The following NCOA2 variants were observed in gnomAD, a reference collection of about 807,000 sequenced individuals.
NCOA2 encodes nuclear receptor coactivator 2.
Under a neutral mutation model 145.1 loss-of-function variants are expected in NCOA2, and 21 were observed. The observed-to-expected ratio is 0.14, with a 90% confidence interval of 0.10 to 0.21. The LOEUF (loss-of-function observed/expected upper bound fraction) is 0.21, where lower values mean the gene tolerates loss of function less well. NCOA2 is among the 10% of genes least tolerant of loss of function. The probability of loss-of-function intolerance (pLI) is 1.00; values close to 1 mark genes in which losing one functional copy is unlikely to be tolerated. For synonymous variants in NCOA2, 619 were observed against 637.5 expected, an observed-to-expected ratio of 0.97 and a Z score of 0.44; for missense variants, 1,472 against 1,837.6, an observed-to-expected ratio of 0.80 and a Z score of 3.64.
Position 70,128,854 on chromosome 8 carries a change from T to TGGAGTAGCA in NCOA2, c.3450_3451insTGCTACTCC (p.Pro1150_Met1151insCysTyrSer). 6.2e-7 allele frequency: 1 copy of TGGAGTAGCA among 1,614,022 alleles called. No homozygotes were observed. Among genetic ancestry groups the TGGAGTAGCA allele is most frequent in the Non-Finnish European group, 8.5e-7 (1 of 1,179,894 alleles). On this transcript the variant is annotated inframe_insertion, in exon 17 of 23. Coordinates refer to ENST00000452400, the MANE Select transcript of NCOA2 (RefSeq NM_006540.4). ...ATGGTGTGAAAGTTTGGATCTTGCA[T>TGGAGTAGCA]GGGAGAATAGCTACCCTGGGCCATT...
At chr8:70,417,657 G>GT in the NCOA2 span, among the ~76,000 whole-genome samples, 2 of 152,106 alleles carry the variant, frequency 1.3e-5, no homozygotes, top group Non-Finnish European at 2.9e-5. Context: ...GCTGATCGTG[G>GT]TTTTTTACCC....
intron 15 of NCOA2, among the ~76,000 whole-genome samples, chr8:70,134,498 C>T (rs1418362267): frequency 6.6e-6 from 1 of 152,218 alleles, no homozygotes; most frequent in Non-Finnish European, 1.5e-5. Flanking sequence ...AAGCTGCATT[C>T]ATATGCAACC....
chr8:70,183,166 AAT>A (rs1419063278), intron 4 of NCOA2, among the ~76,000 whole-genome samples: 1 of 152,230 alleles, frequency 6.6e-6, no homozygotes, highest in Non-Finnish European at 1.5e-5. Flanking sequence ...AAGGAATCAT[AAT>A]TTGCTTAGAA....
At chr8:70,359,414 A>G (rs1431724330) in intron 1 of NCOA2, among the ~76,000 whole-genome samples, 4 of 152,242 alleles carry the variant, frequency 2.6e-5, no homozygotes, top group Admixed American at 6.5e-5. Flanking sequence ...GAATTGATAT[A>G]TGCTACAACA....
In NCOA2 at chr8:70,156,926, C is replaced by G; in HGVS notation, c.1439G>C (p.Gly480Ala). 1 of 1,614,020 alleles carries G rather than the reference C, an allele frequency of 6.2e-7. No homozygotes were observed. The highest frequency in any genetic ancestry group is 8.5e-7 in the Non-Finnish European group (1 of 1,179,908). Residue 480 changes from glycine to alanine, a missense_variant, in exon 11 of 23, where the codon GGA becomes GCA. Around this residue, in one of 4 missense-constraint regions of NCOA2, gnomAD observed 953 missense variants for 1,062.1 expected, o/e 0.90. Coordinates refer to ENST00000452400, the MANE Select transcript of NCOA2 (RefSeq NM_006540.4). ...PSQSSPGMNP[G>A]QPTSMLSPRH... is the part of the protein sequence containing the mutation. ...TGGTGAAAGCATGGAGGTGGGCTGT[C>G]CTGGATTCATGCCAGGGCTGCTTTG...
intron 1 of NCOA2, among the ~76,000 whole-genome samples, chr8:70,400,689 C>A (rs1371944150): frequency 6.6e-6 from 1 of 152,124 alleles, no homozygotes; most frequent in African/African-American, 2.4e-5. Context: ...ATCTCAAGAG[C>A]CACAGCAAAA....
chr8:70,446,344 C>T, the NCOA2 span, among the ~76,000 whole-genome samples: 10 of 152,266 alleles, frequency 6.6e-5, no homozygotes, highest in African/African-American at 2.4e-4. Flanking sequence ...GTCACATTAA[C>T]CCCTAAGGTG....
intron 2 of NCOA2, among the ~76,000 whole-genome samples, chr8:70,226,148 TAGC>T (rs1487902290): frequency 6.6e-6 from 1 of 152,130 alleles, no homozygotes; most frequent in Non-Finnish European, 1.5e-5. Flanking sequence ...ATCAAAATAT[TAGC>T]AGTTAAATTA....
intron 1 of NCOA2, among the ~76,000 whole-genome samples, chr8:70,318,479 T>C (rs1805790509): frequency 6.6e-6 from 1 of 152,114 alleles, no homozygotes; most frequent in African/African-American, 2.4e-5. Context: ...TCTTAAAAAG[T>C]GGCTGGCCAG....
At position 70,342,812 on chromosome 8, in the gene NCOA2, CACACACACAT is replaced by C. The variant is rs1455696642; in HGVS notation, c.-76-46022_-76-46013del. 5.3e-3 allele frequency among the ~76,000 whole-genome samples: 776 copies of C among 146,292 alleles called. 4 individuals are homozygous for C. Among genetic ancestry groups the C allele is most frequent in the African/African-American group, 0.019 (735 of 39,442 alleles). On this transcript the variant is annotated intron_variant, in intron 1 of 22. Transcript: ENST00000452400. ...ACACACACACACACACACACACACA[CACACACACAT>C]CCCTACATGGTTAGAAAATCTCTCC...
intron 4 of NCOA2, among the ~76,000 whole-genome samples, chr8:70,184,994 C>T (rs1418065113): frequency 1.3e-5 from 2 of 152,182 alleles, no homozygotes; most frequent in Non-Finnish European, 2.9e-5. Context: ...GCATTTTGTT[C>T]CACTTCTCAG....
In NCOA2 at chr8:70,111,047, A is replaced by G. The variant is rs1249715309; in HGVS notation, c.*2585T>C. ...CTTCTATAGTGATCAATATGATCAG[A>G]GGATTCCTTCACTTACTTTTCTTCT... On this transcript the variant is annotated 3_prime_UTR_variant, in exon 23 of 23. Transcript: ENST00000452400. The G allele has an allele frequency of 2.2e-5, 5 of 222,754 alleles. No homozygotes were observed. The highest frequency in any genetic ancestry group is 4.5e-5 in the Non-Finnish European group (5 of 111,536). The allele number at this position is 222,754 out of a possible 1,614,324, so 13.8% of individuals were successfully genotyped here. A position where few individuals can be genotyped will look rare whatever the true frequency, so the allele number is the denominator to read the frequency against.
At chr8:70,236,750 T>C (rs1821646858) in intron 2 of NCOA2, among the ~76,000 whole-genome samples, 1 of 152,170 alleles carries the variant, frequency 6.6e-6, no homozygotes, top group Non-Finnish European at 1.5e-5. Flanking sequence ...ATTTGCAATG[T>C]ATTAGGTATT....
chr8:70,113,696 A>T (rs1806757732), intron 22 of NCOA2, 53 bp from the exon 23 acceptor site: 2 of 1,514,994 alleles, frequency 1.3e-6, no homozygotes, highest in Admixed American at 2.0e-5. Context: ...TTTGAAAAAA[A>T]CATCATAAAG....
chr8:70,267,189 T>C (rs1824672946), intron 2 of NCOA2, among the ~76,000 whole-genome samples: 1 of 152,162 alleles, frequency 6.6e-6, no homozygotes. Flanking sequence ...TTAATCTCCA[T>C]AAAATGAGAA....
chr8:70,446,343 A>G, the NCOA2 span, among the ~76,000 whole-genome samples: 4 of 151,928 alleles, frequency 2.6e-5, no homozygotes. Flanking sequence ...AGTCACATTA[A>G]CCCCTAAGGT....
chr8:70,249,696 C>T (rs935286776), intron 2 of NCOA2, among the ~76,000 whole-genome samples: 1 of 152,034 alleles, frequency 6.6e-6, no homozygotes, highest in African/African-American at 2.4e-5. Context: ...GGTGCAGTGG[C>T]TCATGTCTGT....
At chr8:70,367,790 C>T (rs960901359) in intron 1 of NCOA2, among the ~76,000 whole-genome samples, 1 of 152,126 alleles carries the variant, frequency 6.6e-6, no homozygotes, top group African/African-American at 2.4e-5. Flanking sequence ...AACACTTCTC[C>T]AAGCCATACC....
chr8:70,137,455 A>T (rs6985009), intron 15 of NCOA2, among the ~76,000 whole-genome samples: 32,694 of 152,260 alleles, frequency 0.21, 4,681 homozygotes, highest in East Asian at 0.53. Context: ...AAAACAACTA[A>T]CAGGTGGTGG....
Sources: allele counts gnomAD v4.1 joint callset (sites outside exome capture counted in the v4.1 genomes callset), GRCh38; gene constraint gnomAD v4.1.1; regional missense constraint gnomAD v4.1.1; transcripts MANE v1.5; gene names NCBI Gene and HGNC (gene_info 2026-07-23, HGNC 2026-07-21).